The following EYS variants were observed in gnomAD, a reference collection of about 807,000 sequenced individuals.
EYS encodes EGF-like photoreceptor maintenance factor.
A neutral mutation model predicts 282.1 loss-of-function variants in EYS; 250 were observed. The observed-to-expected ratio is 0.89, with a 90% CI of 0.80 to 0.98. The LOEUF is 0.98. Ranked by LOEUF, EYS falls within the 50% of genes least tolerant of loss-of-function variation. The pLI is 0.00. For synonymous variants in EYS, 1,355 were observed against 1,282.9 expected (o/e 1.06, Z -1.20); for missense variants, 4,016 against 3,709.0 (o/e 1.08, Z -2.15).
intron 5 of EYS, among the ~76,000 whole-genome samples, chr6:65,457,343 T>C (rs917143593): frequency 6.6e-6 from 1 of 152,068 alleles, no homozygotes; most frequent in African/African-American, 2.4e-5. Flanking sequence ...TCTTTTTTTT[T>C]CCGTAGAGAT....
chr6:64,261,577 C>G (rs1301903827), intron 30 of EYS, among the ~76,000 whole-genome samples: 1 of 151,986 alleles, frequency 6.6e-6, no homozygotes, highest in Non-Finnish European at 1.5e-5. Flanking sequence ...AACATGTAAT[C>G]AATGACCATG....
At chr6:64,230,358 T>C (rs577267983) in intron 31 of EYS, among the ~76,000 whole-genome samples, 13 of 152,330 alleles carry the variant, frequency 8.5e-5, no homozygotes, top group African/African-American at 3.1e-4. Context: ...CTATTTTATA[T>C]GGCAATTGGA....
intron 26 of EYS, among the ~76,000 whole-genome samples, chr6:64,550,482 G>A (rs1034618731): frequency 5.3e-5 from 8 of 152,162 alleles, no homozygotes; most frequent in African/African-American, 1.2e-4. Context: ...TTTAGCTATC[G>A]ATGACAAATC....
chr6:65,485,076 C>CA (rs1159492427), intron 5 of EYS, among the ~76,000 whole-genome samples: 5 of 152,158 alleles, frequency 3.3e-5, no homozygotes. Context: ...CACTGATGAA[C>CA]ATTTCTTATT....
chr6:65,688,667 A>G (rs187005656), intron 1 of EYS, among the ~76,000 whole-genome samples: 4 of 152,324 alleles, frequency 2.6e-5, no homozygotes, highest in East Asian at 1.9e-4. Flanking sequence ...GAACTGAAAC[A>G]AATTTACAAG....
At position 64,617,434 on chromosome 6, in the gene EYS, C is replaced by T. The variant is rs1767308782; in HGVS notation, c.3668G>A (p.Cys1223Tyr). ...AATCTTTACCATAAATCCAGGTGTG[C>T]ATAAACATGTCGAGCCAGGTTCATT... ...MENEPGSTCL[C>Y]TPGFMTCSIG... The change falls in exon 24 of 43, where the codon TGC becomes TAC. Residue 1223 changes from cysteine to tyrosine, a missense_variant. Coordinates refer to ENST00000503581, the MANE Select transcript of EYS (RefSeq NM_001142800.2). 6.5e-7 allele frequency: 1 copy of T among 1,547,876 alleles called. No homozygotes were observed. The highest frequency in any genetic ancestry group is 8.7e-7 in the Non-Finnish European group (1 of 1,143,814).
chr6:64,487,503 G>A lies in EYS; in HGVS notation c.5645-48151C>T, dbSNP rs1465599749. Among the ~76,000 whole-genome samples, 3 of 150,900 alleles carry A rather than the reference G, an allele frequency of 2.0e-5. No individual in the cohort carries two copies. The Admixed American group carries it at 2.0e-4, about 10-fold the overall frequency. On this transcript the variant is annotated intron_variant, in intron 26 of 42. Coordinates refer to ENST00000503581, the MANE Select transcript of EYS (RefSeq NM_001142800.2). ...TTGGGAATTAATATCCATTTAAAAT[G>A]TATATTAAAATATTGCTTATGTCCT...
chr6:65,402,469 T>A lies in EYS; in HGVS notation c.1184+9A>T. ...TTTGTATTAAAAATAAACAGAAAAT[T>A]AATTATACCTGCAAGGATAATCTTT... On this transcript the variant is annotated intron_variant, in intron 7 of 42. Coordinates refer to ENST00000503581, the MANE Select transcript of EYS (RefSeq NM_001142800.2). 1 of 1,472,232 alleles carries A rather than the reference T, an allele frequency of 6.8e-7. No homozygotes were observed. 91.2% of individuals were successfully genotyped at this position (1,472,232 alleles called of 1,614,324 possible).
intron 2 of EYS, among the ~76,000 whole-genome samples, chr6:65,590,672 C>T (rs1055238580): frequency 5.3e-5 from 8 of 151,992 alleles, no homozygotes; most frequent in African/African-American, 1.9e-4. Flanking sequence ...CTATTCTACT[C>T]TTTACTTCTA....
intron 20 of EYS, among the ~76,000 whole-genome samples, chr6:64,822,356 C>T (rs191604255): frequency 5.3e-5 from 8 of 152,092 alleles, no homozygotes; most frequent in Admixed American, 6.6e-5. Flanking sequence ...ATCATCTTAC[C>T]TGCTAGTTCT....
At position 65,096,004 on chromosome 6, in the gene EYS, C is replaced by T. The variant is rs529948102; in HGVS notation, c.2024-38277G>A. Among the ~76,000 whole-genome samples the T allele has an allele frequency of 6.0e-5, 9 of 151,062 alleles. No individual in the cohort carries two copies. In the East Asian group the frequency reaches 9.7e-4, roughly 16 times the overall value. ...TCCAAATCAGAAAGGAAGAATTAAACGTTTATCTGTTTGGAGATGACAGGG... is the reference window on the plus strand; with the variant it reads ...TCCAAATCAGAAAGGAAGAATTAAATGTTTATCTGTTTGGAGATGACAGGG... On this transcript the variant is annotated intron_variant, in intron 12 of 42. Coordinates refer to ENST00000503581, the MANE Select transcript of EYS (RefSeq NM_001142800.2).
intron 5 of EYS, among the ~76,000 whole-genome samples, chr6:65,430,301 C>T (rs568452971): frequency 4.6e-5 from 7 of 152,126 alleles, no homozygotes; most frequent in African/African-American, 1.2e-4. Flanking sequence ...AAAACCAGAC[C>T]GAACACCGAA....
chr6:64,442,107 T>G (rs1774969024), intron 26 of EYS, among the ~76,000 whole-genome samples: 1 of 152,166 alleles, frequency 6.6e-6, no homozygotes, highest in Non-Finnish European at 1.5e-5. Context: ...ACCAAAATGC[T>G]GATAATGATA....
At chr6:65,175,931 C>A (rs1765212965) in intron 12 of EYS, among the ~76,000 whole-genome samples, 1 of 151,452 alleles carries the variant, frequency 6.6e-6, no homozygotes, top group South Asian at 2.1e-4. Flanking sequence ...TCCCCCAAAT[C>A]TTTACTGCAT....
intron 12 of EYS, among the ~76,000 whole-genome samples, chr6:65,080,935 A>G (rs903008292): frequency 3.9e-5 from 6 of 152,106 alleles, no homozygotes; most frequent in South Asian, 2.1e-4. Context: ...GTTTAAAAAT[A>G]CATCTCTTCA....
chr6:65,498,818 G>A (rs1766347078), intron 2 of EYS, among the ~76,000 whole-genome samples: 2 of 151,944 alleles, frequency 1.3e-5, no homozygotes, highest in Admixed American at 1.3e-4. Flanking sequence ...GATGTTATGT[G>A]TCTCAGTTTT....
At chr6:64,958,924 C>T (rs1462739462) in intron 14 of EYS, among the ~76,000 whole-genome samples, 1 of 152,060 alleles carries the variant, frequency 6.6e-6, no homozygotes, top group Non-Finnish European at 1.5e-5. Flanking sequence ...TATAAACTGG[C>T]TTCATATCCC....
chr6:65,184,964 A>G (rs1239466752), intron 12 of EYS, among the ~76,000 whole-genome samples: 1 of 151,560 alleles, frequency 6.6e-6, no homozygotes, highest in African/African-American at 2.4e-5. Context: ...ACAATAAAAT[A>G]TTTTGTTCTA....
At chr6:64,161,658 C>T (rs532853207) in intron 31 of EYS, among the ~76,000 whole-genome samples, 5 of 152,162 alleles carry the variant, frequency 3.3e-5, no homozygotes, top group Admixed American at 2.0e-4. Flanking sequence ...ATTTTTCATG[C>T]TATCTTGTTA....
Sources: gnomAD v4.1 joint callset for allele counts (sites outside exome capture counted in the v4.1 genomes callset) on GRCh38, gnomAD v4.1.1 for gene constraint, MANE v1.5 for transcripts, NCBI Gene and HGNC (gene_info 2026-07-23, HGNC 2026-07-21) for gene names.